UNC13C: variants seen among roughly 807,000 people sequenced by gnomAD.
UNC13C encodes unc-13 homolog C.
A neutral mutation model predicts 245.4 loss-of-function variants in UNC13C; 174 were observed. The observed-to-expected ratio is 0.71, with a 90% CI of 0.63 to 0.80. The LOEUF is 0.80. Among genes scored for constraint, UNC13C ranks in the 30% least tolerant of loss-of-function variants. The pLI is 0.00. For missense variants in UNC13C, 2,829 were observed against 2,602.9 expected, an observed-to-expected ratio of 1.09 and a Z score of -1.89; for synonymous variants, 992 against 895.1, an observed-to-expected ratio of 1.11 and a Z score of -1.93.
At chr15:53,945,686 C>T in the UNC13C span, among the ~76,000 whole-genome samples, 8 of 151,788 alleles carry the variant, frequency 5.3e-5, no homozygotes, top group Non-Finnish European at 1.0e-4. Flanking sequence ...GTGATGCCAC[C>T]AGCTTTGGTC....
chr15:54,305,795 G>A (rs917118921), intron 13 of UNC13C, among the ~76,000 whole-genome samples: 2 of 151,880 alleles, frequency 1.3e-5, no homozygotes, highest in Non-Finnish European at 2.9e-5. Context: ...AACCATTTTC[G>A]AAAAAGACAA....
chr15:54,132,076 T>TTTTTTTTTTTTTTC (rs2031462858), intron 2 of UNC13C, among the ~76,000 whole-genome samples: 1 of 141,618 alleles, frequency 7.1e-6, no homozygotes, highest in African/African-American at 2.7e-5. Flanking sequence ...TTCTTTTTCT[T>TTTTTTTTTTTTTTC]TTTTTTTTTT....
At chr15:54,587,583 C>A (rs1898561375) in intron 30 of UNC13C, among the ~76,000 whole-genome samples, 1 of 152,150 alleles carries the variant, frequency 6.6e-6, no homozygotes, top group African/African-American at 2.4e-5. Context: ...CTCAGTACTC[C>A]ACTCTTCTAA....
chr15:53,944,638 C>T, the UNC13C span, among the ~76,000 whole-genome samples: 3 of 151,786 alleles, frequency 2.0e-5, no homozygotes, highest in Non-Finnish European at 4.4e-5. Flanking sequence ...ATGGTATATA[C>T]GTACCACATT....
At chr15:54,061,327 C>G (rs1006454849) in intron 2 of UNC13C, among the ~76,000 whole-genome samples, 7 of 152,134 alleles carry the variant, frequency 4.6e-5, no homozygotes, top group Non-Finnish European at 7.4e-5. Flanking sequence ...AATAATGTCT[C>G]TGCTCCCTCA....
chr15:54,364,127 T>A (rs1432974445), intron 17 of UNC13C, among the ~76,000 whole-genome samples: 1 of 152,158 alleles, frequency 6.6e-6, no homozygotes, highest in Admixed American at 6.5e-5. Context: ...AGCTTTTTGC[T>A]TAACAGATGC....
At chr15:53,957,648 A>G in the UNC13C span, among the ~76,000 whole-genome samples, 1 of 152,242 alleles carries the variant, frequency 6.6e-6, no homozygotes, top group Non-Finnish European at 1.5e-5. Flanking sequence ...TTTATAGCCC[A>G]GAAATTCTGA....
At chr15:54,155,620 T>C (rs1196390080) in intron 4 of UNC13C, among the ~76,000 whole-genome samples, 1 of 152,204 alleles carries the variant, frequency 6.6e-6, no homozygotes, top group African/African-American at 2.4e-5. Context: ...GAAAAATAGA[T>C]ATTGCCATGA....
intron 18 of UNC13C, among the ~76,000 whole-genome samples, chr15:54,407,961 G>T (rs558227474): frequency 6.6e-6 from 1 of 151,966 alleles, no homozygotes; most frequent in South Asian, 2.1e-4. Context: ...CAGCATTTTG[G>T]GAGGCCAAGG....
intron 2 of UNC13C, among the ~76,000 whole-genome samples, chr15:54,134,443 T>C (rs1027274639): frequency 5.3e-5 from 8 of 151,406 alleles, no homozygotes; most frequent in Non-Finnish European, 1.0e-4. Flanking sequence ...TGTGTGCGTT[T>C]GTGTGTGTAT....
intron 19 of UNC13C, among the ~76,000 whole-genome samples, chr15:54,482,247 A>C (rs895500103): frequency 6.6e-6 from 1 of 152,074 alleles, no homozygotes; most frequent in Non-Finnish European, 1.5e-5. Flanking sequence ...ACGTAAATGC[A>C]GGAGCTTTTA....
intron 30 of UNC13C, among the ~76,000 whole-genome samples, chr15:54,600,943 T>G (rs1348721393): frequency 6.6e-6 from 1 of 152,068 alleles, no homozygotes; most frequent in Admixed American, 6.6e-5. Context: ...AAGAATTGTC[T>G]TAGGTCACAC....
chr15:54,242,532 G>T (rs1175233965), intron 7 of UNC13C, among the ~76,000 whole-genome samples: 1 of 151,970 alleles, frequency 6.6e-6, no homozygotes, highest in African/African-American at 2.4e-5. Flanking sequence ...AATTAAAACT[G>T]CAGGAAATTT....
chr15:54,012,884 G>T lies in UNC13C; in HGVS notation c.-20G>T. On this transcript the variant is annotated 5_prime_UTR_variant, in exon 2 of 33. Coordinates refer to ENST00000260323, the MANE Select transcript of UNC13C (RefSeq NM_001080534.3). ...TTGTTTACTTTTCTGGGGCAGAAAA[G>T]CTTGCACTAATTGCTCTCCATGGTG... The T allele has an allele frequency of 6.4e-7, 1 of 1,550,986 alleles. No individual in the cohort carries two copies. Among genetic ancestry groups the T allele is most frequent in the Non-Finnish European group, 8.7e-7 (1 of 1,149,360 alleles).
chr15:53,837,910 C>T, the UNC13C span, among the ~76,000 whole-genome samples: 13 of 152,006 alleles, frequency 8.6e-5, no homozygotes, highest in Non-Finnish European at 2.9e-5. Flanking sequence ...TCTTATTGGT[C>T]TGAGTTTTTA....
rs1308061932 is a variant in UNC13C, at chr15:54,627,285, G to C, written c.*172G>C. The C allele has an allele frequency of 2.1e-5, 13 of 609,298 alleles. No homozygotes were observed. Among genetic ancestry groups the C allele is most frequent in the Non-Finnish European group, 3.4e-5 (13 of 385,628 alleles). The allele number at this position is 609,298 out of a possible 1,614,324, so 37.7% of individuals were successfully genotyped here. On this transcript the variant is annotated 3_prime_UTR_variant, in exon 33 of 33. Transcript: ENST00000260323. ...ACTTTTATACCAATTCTGGTCTTTGGGAAATCAGTGTTCCATGAAGTGCCA... is the reference window on the plus strand; with the variant it reads ...ACTTTTATACCAATTCTGGTCTTTGCGAAATCAGTGTTCCATGAAGTGCCA...
intron 2 of UNC13C, among the ~76,000 whole-genome samples, chr15:54,079,086 A>G (rs1238773683): frequency 6.6e-6 from 1 of 151,526 alleles, no homozygotes; most frequent in East Asian, 1.9e-4. Context: ...CTCTTTGTCT[A>G]TTTTTGTTGA....
intron 17 of UNC13C, among the ~76,000 whole-genome samples, chr15:54,354,344 T>A (rs1294729408): frequency 2.6e-5 from 4 of 152,232 alleles, no homozygotes; most frequent in Non-Finnish European, 5.9e-5. Flanking sequence ...GACAGGAGTT[T>A]GTGCTATAAC....
At chr15:54,293,139 C>T (rs938776576) in intron 10 of UNC13C, among the ~76,000 whole-genome samples, 3 of 151,672 alleles carry the variant, frequency 2.0e-5, no homozygotes, top group Admixed American at 1.3e-4. Context: ...GAGTTGATTG[C>T]AACTAAATGG....
Sources: allele counts gnomAD v4.1 joint callset (sites outside exome capture counted in the v4.1 genomes callset), GRCh38; gene constraint gnomAD v4.1.1; transcripts MANE v1.5; gene names NCBI Gene and HGNC (gene_info 2026-07-23, HGNC 2026-07-21).